RUNDC3B: variants seen among roughly 807,000 people sequenced by gnomAD.
RUNDC3B encodes the protein RUN domain-containing protein 3B.
Under a neutral mutation model 58.4 loss-of-function variants are expected in RUNDC3B, and 33 were observed. The ratio of observed to expected loss-of-function variants is 0.56; its 90% CI spans 0.43 to 0.75. RUNDC3B has a LOEUF of 0.75. Among genes scored for constraint, RUNDC3B ranks in the 30% least tolerant of loss-of-function variants. The pLI is 0.00. For missense variants in RUNDC3B, 501 were observed against 535.7 expected (o/e 0.94, Z 0.64); for synonymous variants, 193 against 195.2 (o/e 0.99, Z 0.10).
rs377352171 is a variant in RUNDC3B, at chr7:87,681,611, A to G, written c.239-18810A>G. 1.1e-4 allele frequency among the ~76,000 whole-genome samples: 16 copies of G among 150,796 alleles called. 1 individual carries two copies. The highest frequency in any genetic ancestry group is 3.9e-4 in the African/African-American group (16 of 40,672). On this transcript the variant is annotated intron_variant, in intron 2 of 10. Coordinates refer to ENST00000394654, the MANE Select transcript of RUNDC3B (RefSeq NM_001134405.2). ...AATGCTAACAATCATCTGAGCCTTC[A>G]GCAAGTCATTACCTTTTTGCTGGTG...
intron 1 of RUNDC3B, among the ~76,000 whole-genome samples, chr7:87,647,912 C>G (rs574125930): frequency 6.6e-6 from 1 of 152,002 alleles, no homozygotes; most frequent in South Asian, 2.1e-4. Context: ...AGGCCAGGCA[C>G]GGTGGCTCAT....
chr7:87,707,109 T>A (rs1829666895), intron 3 of RUNDC3B, among the ~76,000 whole-genome samples: 2 of 152,104 alleles, frequency 1.3e-5, no homozygotes, highest in African/African-American at 2.4e-5. Context: ...TCTGACTGAC[T>A]GCCAAAAGAA....
intron 6 of RUNDC3B, among the ~76,000 whole-genome samples, chr7:87,753,633 C>T (rs917605442): frequency 6.6e-6 from 1 of 152,080 alleles, no homozygotes; most frequent in African/African-American, 2.4e-5. Flanking sequence ...ATGTAATGGC[C>T]TTCTTTGTAG....
intron 3 of RUNDC3B, among the ~76,000 whole-genome samples, chr7:87,702,765 T>A (rs1235458432): frequency 6.6e-6 from 1 of 152,142 alleles, no homozygotes; most frequent in Non-Finnish European, 1.5e-5. Context: ...TCTCAAATGA[T>A]CTCAAAACTA....
At chr7:87,705,190 T>C (rs1829478129) in intron 3 of RUNDC3B, among the ~76,000 whole-genome samples, 1 of 152,194 alleles carries the variant, frequency 6.6e-6, no homozygotes, top group South Asian at 2.1e-4. Flanking sequence ...TTTGGGAGGC[T>C]GAGGCAGGTG....
chr7:87,736,873 ATATATATATATATATATTTTTTTTT>A (rs1481686100), intron 4 of RUNDC3B, among the ~76,000 whole-genome samples: 194 of 37,594 alleles, frequency 5.2e-3, no homozygotes, highest in African/African-American at 0.019. Context: ...ATATATATAT[ATATATATATATATATATTTTTTTTT>A]TTTTTTTTTT....
intron 2 of RUNDC3B, among the ~76,000 whole-genome samples, chr7:87,684,604 T>C (rs910737988): frequency 4.6e-5 from 7 of 151,926 alleles, no homozygotes; most frequent in South Asian, 2.1e-4. Context: ...AAAAATTAGT[T>C]GGGCATGGTA....
intron 10 of RUNDC3B, among the ~76,000 whole-genome samples, chr7:87,828,181 AATT>A (rs761732191): frequency 2.2e-4 from 34 of 152,188 alleles, no homozygotes; most frequent in African/African-American, 6.0e-4. Context: ...TCTTTTTTAA[AATT>A]ATTATGTTCA....
intron 4 of RUNDC3B, among the ~76,000 whole-genome samples, chr7:87,714,885 C>T (rs375206800): frequency 1.1e-4 from 16 of 152,006 alleles, no homozygotes; most frequent in Admixed American, 6.6e-5. Flanking sequence ...CCTCCCTGAC[C>T]GCACGTCCAT....
chr7:87,741,220 A>AG, intron 5 of RUNDC3B, among the ~76,000 whole-genome samples: 1 of 152,050 alleles, frequency 6.6e-6, no homozygotes, highest in African/African-American at 2.4e-5. Context: ...AAAAGAAAAA[A>AG]AAAAACAAAC....
chr7:87,808,210 A>G (rs529721939), intron 9 of RUNDC3B, among the ~76,000 whole-genome samples: 4 of 150,194 alleles, frequency 2.7e-5, no homozygotes. Flanking sequence ...CCTCCCTCTC[A>G]TCCCCTTCTG....
At chr7:87,669,684 A>G (rs779747928) in intron 2 of RUNDC3B, among the ~76,000 whole-genome samples, 5 of 152,142 alleles carry the variant, frequency 3.3e-5, no homozygotes, top group Non-Finnish European at 7.3e-5. Flanking sequence ...GATTCCCTCA[A>G]GAGTTGTTTA....
At chr7:87,747,396 G>A (rs1364498109) in intron 6 of RUNDC3B, among the ~76,000 whole-genome samples, 1 of 152,172 alleles carries the variant, frequency 6.6e-6, no homozygotes, top group African/African-American at 2.4e-5. Context: ...GTGAGGGGTT[G>A]CAATGGACTC....
rs1838120388 is a variant in RUNDC3B at position 87,831,347 on chromosome 7, T to G, written c.*1317T>G. On this transcript the variant is annotated 3_prime_UTR_variant, in exon 11 of 11. Coordinates refer to ENST00000394654, the MANE Select transcript of RUNDC3B (RefSeq NM_001134405.2). ...GAGGTTACCACATTCATTCTTTGTG[T>G]TAGAAATGTAGGAGTGTGGTGGTTT... 1 of 151,884 alleles carries G rather than the reference T, an allele frequency of 6.6e-6. No individual in the cohort carries two copies. The highest frequency in any genetic ancestry group is 6.6e-5 in the Admixed American group (1 of 15,206). 9.4% of individuals were successfully genotyped at this position (151,884 alleles called of 1,614,324 possible). A position where few individuals can be genotyped will look rare whatever the true frequency, so the allele number is the denominator to read the frequency against.
intron 2 of RUNDC3B, among the ~76,000 whole-genome samples, chr7:87,655,102 A>G (rs559837922): frequency 6.6e-6 from 1 of 152,274 alleles, no homozygotes; most frequent in Non-Finnish European, 1.5e-5. Context: ...AACAGCCATT[A>G]CAGAAAACAT....
intron 3 of RUNDC3B, among the ~76,000 whole-genome samples, chr7:87,703,145 AT>A (rs1261123008): frequency 6.6e-6 from 1 of 152,206 alleles, no homozygotes; most frequent in Non-Finnish European, 1.5e-5. Context: ...TTATTTCACG[AT>A]TATAGAATTA....
At chr7:87,716,163 A>G (rs1357362176) in intron 4 of RUNDC3B, among the ~76,000 whole-genome samples, 1 of 152,204 alleles carries the variant, frequency 6.6e-6, no homozygotes, top group Non-Finnish European at 1.5e-5. Context: ...ATTAAAATTG[A>G]CAGACACTGG....
chr7:87,713,524 A>C (rs1830278970), intron 4 of RUNDC3B, among the ~76,000 whole-genome samples: 1 of 152,158 alleles, frequency 6.6e-6, no homozygotes, highest in Non-Finnish European at 1.5e-5. Context: ...CTTAATGAGC[A>C]GTTGAAAAAA....
chr7:87,781,732 T>C (rs1483168038), intron 8 of RUNDC3B, among the ~76,000 whole-genome samples: 1 of 152,158 alleles, frequency 6.6e-6, no homozygotes, highest in East Asian at 1.9e-4. Context: ...TCTATGTCTA[T>C]TGATATGATC....
Sources: allele counts gnomAD v4.1 joint callset (sites outside exome capture counted in the v4.1 genomes callset), GRCh38; gene constraint gnomAD v4.1.1; transcripts MANE v1.5; gene names NCBI Gene and HGNC (gene_info 2026-07-23, HGNC 2026-07-21).